Variants in NXPH1 observed in about 807,000 individuals in gnomAD.
NXPH1 encodes the protein neurexophilin 1.
NXPH1 carries 5 observed loss-of-function variants against 23.7 expected under a neutral mutation model. The ratio of observed to expected loss-of-function variants is 0.21; its 90% CI spans 0.11 to 0.44. The LOEUF is 0.44. Ranked by LOEUF, NXPH1 falls within the 20% of genes least tolerant of loss-of-function variation. The pLI, the probability that NXPH1 is intolerant of heterozygous loss-of-function variation, is 0.99. For synonymous variants in NXPH1, 144 were observed against 122.2 expected, an observed-to-expected ratio of 1.18 and a Z score of -1.18; for missense variants, 324 against 321.6, an observed-to-expected ratio of 1.01 and a Z score of -0.06.
At chr7:8,654,761 T>G (rs2115155569) in intron 2 of NXPH1, among the ~76,000 whole-genome samples, 1 of 152,312 alleles carries the variant, frequency 6.6e-6, no homozygotes, top group East Asian at 1.9e-4. Flanking sequence ...CTGCTCCAAA[T>G]AATTCCTACT....
At chr7:8,656,191 A>G (rs1223118292) in intron 2 of NXPH1, among the ~76,000 whole-genome samples, 1 of 152,238 alleles carries the variant, frequency 6.6e-6, no homozygotes, top group Non-Finnish European at 1.5e-5. Context: ...CAAAGGCAAA[A>G]TATTCTAGTT....
intron 2 of NXPH1, among the ~76,000 whole-genome samples, chr7:8,441,455 T>C (rs1816296935): frequency 6.6e-6 from 1 of 152,096 alleles, no homozygotes; most frequent in Admixed American, 6.5e-5. Context: ...CTTGAAGGAA[T>C]GTGACAATAA....
At chr7:8,744,634 A>C (rs903729045) in intron 2 of NXPH1, among the ~76,000 whole-genome samples, 2 of 152,166 alleles carry the variant, frequency 1.3e-5, no homozygotes, top group African/African-American at 4.8e-5. Flanking sequence ...CCTTGTTCCC[A>C]GTTTCCTAGT....
chr7:8,616,873 C>G (rs1819752774), intron 2 of NXPH1, among the ~76,000 whole-genome samples: 1 of 150,132 alleles, frequency 6.7e-6, no homozygotes, highest in Non-Finnish European at 1.5e-5. Context: ...AAAAACCACT[C>G]TGGCTGAAGT....
chr7:8,723,150 A>G (rs938108129), intron 2 of NXPH1, among the ~76,000 whole-genome samples: 2 of 152,212 alleles, frequency 1.3e-5, no homozygotes, highest in East Asian at 1.9e-4. Flanking sequence ...GCATTTCCCA[A>G]GCAAATAGGC....
intron 2 of NXPH1, among the ~76,000 whole-genome samples, chr7:8,454,582 T>C (rs1043574826): frequency 2.0e-5 from 3 of 152,146 alleles, no homozygotes; most frequent in African/African-American, 4.8e-5. Context: ...ATGACATGCA[T>C]TGGCCATTAG....
intron 2 of NXPH1, among the ~76,000 whole-genome samples, chr7:8,694,739 T>A (rs924182704): frequency 6.6e-6 from 1 of 152,182 alleles, no homozygotes; most frequent in African/African-American, 2.4e-5. Context: ...CTCTTTCCTA[T>A]CACAATATAA....
chr7:8,682,288 A>G (rs1041514151), intron 2 of NXPH1, among the ~76,000 whole-genome samples: 6 of 152,130 alleles, frequency 3.9e-5, no homozygotes, highest in Admixed American at 1.3e-4. Flanking sequence ...GTTCTTTGGG[A>G]TCAGATTCCC....
At chr7:8,674,956 A>G (rs1427286442) in intron 2 of NXPH1, among the ~76,000 whole-genome samples, 1 of 152,178 alleles carries the variant, frequency 6.6e-6, no homozygotes, top group African/African-American at 2.4e-5. Context: ...CAGATGAAAT[A>G]TATAATTGTT....
chr7:8,574,489 G>A (rs932055436), intron 2 of NXPH1, among the ~76,000 whole-genome samples: 1 of 152,066 alleles, frequency 6.6e-6, no homozygotes, highest in Non-Finnish European at 1.5e-5. Context: ...TCAATAGGTT[G>A]TCTCTTTCTG....
At chr7:8,485,265 C>G (rs923146613) in intron 2 of NXPH1, among the ~76,000 whole-genome samples, 6 of 152,120 alleles carry the variant, frequency 3.9e-5, no homozygotes, top group Non-Finnish European at 1.5e-5. Context: ...TGACTTTGCT[C>G]CTCATTCACC....
At chr7:8,567,969 A>G (rs1818575785) in intron 2 of NXPH1, among the ~76,000 whole-genome samples, 2 of 151,894 alleles carry the variant, frequency 1.3e-5, no homozygotes, top group Admixed American at 1.3e-4. Context: ...ATAGAAAATA[A>G]TTTGGCCGAA....
At chr7:8,680,798 G>T (rs941721725) in intron 2 of NXPH1, among the ~76,000 whole-genome samples, 1 of 152,180 alleles carries the variant, frequency 6.6e-6, no homozygotes, top group South Asian at 2.1e-4. Context: ...TCCCATCAAG[G>T]ATACCTGTGA....
chr7:8,736,453 T>C (rs1190673763), intron 2 of NXPH1, among the ~76,000 whole-genome samples: 2 of 152,240 alleles, frequency 1.3e-5, no homozygotes, highest in Non-Finnish European at 2.9e-5. Flanking sequence ...ATGAGTTTCT[T>C]AATCTTGAGT....
At chr7:8,578,618 T>G (rs2128623274) in intron 2 of NXPH1, among the ~76,000 whole-genome samples, 1 of 152,310 alleles carries the variant, frequency 6.6e-6, no homozygotes, top group Middle Eastern at 3.4e-3. Context: ...ATTGAGTAAC[T>G]ACTGCAGGCT....
chr7:8,568,698 C>T (rs988914040), intron 2 of NXPH1, among the ~76,000 whole-genome samples: 2 of 150,592 alleles, frequency 1.3e-5, no homozygotes, highest in African/African-American at 2.4e-5. Context: ...TTTATTGAAT[C>T]AGTGCCAAAA....
At chr7:8,675,755 C>T (rs918667471) in intron 2 of NXPH1, among the ~76,000 whole-genome samples, 23 of 152,210 alleles carry the variant, frequency 1.5e-4, no homozygotes, top group African/African-American at 5.5e-4. Context: ...ATGATACATT[C>T]CCCCAAAAGG....
chr7:8,555,964 C>T (rs1818350471), intron 2 of NXPH1, among the ~76,000 whole-genome samples: 1 of 151,646 alleles, frequency 6.6e-6, no homozygotes, highest in South Asian at 2.1e-4. Flanking sequence ...GTATAATTTG[C>T]ACTGGGGTTA....
chr7:8,596,931 A>G (rs1304162370), intron 2 of NXPH1, among the ~76,000 whole-genome samples: 1 of 152,126 alleles, frequency 6.6e-6, no homozygotes, highest in Non-Finnish European at 1.5e-5. Flanking sequence ...ACGTGCAGGA[A>G]TCCTATAGAA....
Sources: gnomAD v4.1 joint callset for allele counts (sites outside exome capture counted in the v4.1 genomes callset) on GRCh38, gnomAD v4.1.1 for gene constraint, MANE v1.5 for transcripts, NCBI Gene and HGNC (gene_info 2026-07-23, HGNC 2026-07-21) for gene names.